GPC5: variants seen among roughly 807,000 people sequenced by gnomAD.
The protein encoded by GPC5 is glypican-5.
Under a neutral mutation model 53.9 loss-of-function variants are expected in GPC5, and 47 were observed. That is an observed-to-expected ratio of 0.87 (90% CI 0.69 to 1.11). The LOEUF (loss-of-function observed/expected upper bound fraction) is 1.11, where lower values mean the gene tolerates loss of function less well. GPC5 is among the 50% of genes most tolerant of loss of function. GPC5 has a pLI of 0.00. For missense variants in GPC5, 748 were observed against 713.1 expected (o/e 1.05, Z -0.56); for synonymous variants, 286 against 263.3 (o/e 1.09, Z -0.84).
At chr13:92,769,760 T>C (rs1164959474) in intron 7 of GPC5, among the ~76,000 whole-genome samples, 2 of 152,212 alleles carry the variant, frequency 1.3e-5, no homozygotes, top group Admixed American at 6.5e-5. Context: ...CCAAAGGTGA[T>C]AGATATGTCT....
At chr13:92,662,327 T>C (rs536716796) in intron 7 of GPC5, among the ~76,000 whole-genome samples, 6 of 152,342 alleles carry the variant, frequency 3.9e-5, no homozygotes, top group African/African-American at 1.2e-4. Context: ...TTACCTTGCA[T>C]ACTGCTACTT....
At chr13:92,383,335 G>A (rs1469375089) in intron 7 of GPC5, among the ~76,000 whole-genome samples, 2 of 152,118 alleles carry the variant, frequency 1.3e-5, no homozygotes, top group Admixed American at 6.6e-5. Flanking sequence ...TAAACTAAAT[G>A]ATAGATTATT....
At chr13:92,538,281 C>A (rs1881789322) in intron 7 of GPC5, among the ~76,000 whole-genome samples, 1 of 151,708 alleles carries the variant, frequency 6.6e-6, no homozygotes, top group Non-Finnish European at 1.5e-5. Context: ...CCTTTTCCTC[C>A]TTTTTCTTTC....
chr13:92,397,775 C>T (rs1875353709), intron 7 of GPC5, among the ~76,000 whole-genome samples: 1 of 152,094 alleles, frequency 6.6e-6, no homozygotes, highest in African/African-American at 2.4e-5. Context: ...CAAGTCATTC[C>T]TTTGTCCTTG....
intron 6 of GPC5, among the ~76,000 whole-genome samples, chr13:91,960,104 T>G (rs1032553138): frequency 6.6e-6 from 1 of 151,670 alleles, no homozygotes; most frequent in African/African-American, 2.4e-5. Flanking sequence ...AGAAATAAAT[T>G]TATCCAAATT....
At chr13:92,657,984 T>C (rs1044790224) in intron 7 of GPC5, among the ~76,000 whole-genome samples, 1 of 152,192 alleles carries the variant, frequency 6.6e-6, no homozygotes, top group Non-Finnish European at 1.5e-5. Context: ...CTTTTCTTGT[T>C]TTGAAAACTC....
intron 5 of GPC5, among the ~76,000 whole-genome samples, chr13:91,895,126 G>A (rs1594647327): frequency 6.6e-6 from 1 of 151,884 alleles, no homozygotes; most frequent in Non-Finnish European, 1.5e-5. Flanking sequence ...GGGCAGGAAA[G>A]GCGAGCATGG....
At chr13:92,162,032 A>G (rs1315455491) in intron 7 of GPC5, among the ~76,000 whole-genome samples, 2 of 140,946 alleles carry the variant, frequency 1.4e-5, no homozygotes, top group Non-Finnish European at 3.1e-5. Flanking sequence ...TAAATTTGCA[A>G]AATAGTATGG....
At chr13:92,709,806 A>G (rs1276101205) in intron 7 of GPC5, among the ~76,000 whole-genome samples, 1 of 152,232 alleles carries the variant, frequency 6.6e-6, no homozygotes, top group South Asian at 2.1e-4. Flanking sequence ...TTATCCAACA[A>G]TTGTAAAACA....
intron 7 of GPC5, among the ~76,000 whole-genome samples, chr13:92,171,664 C>T (rs2042071429): frequency 6.6e-6 from 1 of 152,172 alleles, no homozygotes; most frequent in South Asian, 2.1e-4. Flanking sequence ...CCATCCCTTT[C>T]ATTTAGTTAT....
intron 6 of GPC5, among the ~76,000 whole-genome samples, chr13:92,134,021 C>A (rs1375179347): frequency 6.6e-6 from 1 of 152,050 alleles, no homozygotes; most frequent in Admixed American, 6.6e-5. Flanking sequence ...CTGGGAAATG[C>A]ATGCAAAATT....
intron 7 of GPC5, among the ~76,000 whole-genome samples, chr13:92,569,766 T>G (rs1882967459): frequency 6.6e-6 from 1 of 152,126 alleles, no homozygotes. Context: ...GAAATTGGCC[T>G]TTTCCTTAAA....
At chr13:92,825,480 G>A (rs1312085969) in intron 7 of GPC5, among the ~76,000 whole-genome samples, 1 of 152,088 alleles carries the variant, frequency 6.6e-6, no homozygotes, top group African/African-American at 2.4e-5. Context: ...ATAAGTCCAG[G>A]TGGCATTTTC....
At chr13:92,750,171 A>T (rs1340695576) in intron 7 of GPC5, among the ~76,000 whole-genome samples, 2 of 152,174 alleles carry the variant, frequency 1.3e-5, no homozygotes, top group East Asian at 3.9e-4. Context: ...ACACTGTGTG[A>T]GAAGTCATAA....
intron 2 of GPC5, among the ~76,000 whole-genome samples, chr13:91,547,655 C>A (rs2030374861): frequency 6.6e-6 from 1 of 152,028 alleles, no homozygotes; most frequent in Admixed American, 6.6e-5. Flanking sequence ...TAGCTAGCAT[C>A]ACTCTAATAC....
chr13:92,161,631 T>C (rs1172894880), intron 7 of GPC5, among the ~76,000 whole-genome samples: 1 of 152,090 alleles, frequency 6.6e-6, no homozygotes, highest in Admixed American at 6.5e-5. Flanking sequence ...AATAACTCTT[T>C]CACATTTTCA....
intron 2 of GPC5, among the ~76,000 whole-genome samples, chr13:91,670,378 T>C (rs2035216702): frequency 6.6e-6 from 1 of 152,192 alleles, no homozygotes; most frequent in East Asian, 1.9e-4. Context: ...GGGTAGTGGC[T>C]ATAATATAAA....
chr13:92,402,515 C>G (rs1437182805), intron 7 of GPC5, among the ~76,000 whole-genome samples: 3 of 152,032 alleles, frequency 2.0e-5, no homozygotes, highest in African/African-American at 7.2e-5. Flanking sequence ...CCCTTTTGCA[C>G]CTTAGGATTG....
chr13:92,576,071 A>G (rs558770731), intron 7 of GPC5, among the ~76,000 whole-genome samples: 1 of 152,290 alleles, frequency 6.6e-6, no homozygotes, highest in East Asian at 1.9e-4. Context: ...TTCAGTTTCT[A>G]ATTCTTCCAC....
Sources: gnomAD v4.1 joint callset for allele counts (sites outside exome capture counted in the v4.1 genomes callset) on GRCh38, gnomAD v4.1.1 for gene constraint, MANE v1.5 for transcripts, NCBI Gene and HGNC (gene_info 2026-07-23, HGNC 2026-07-21) for gene names.